ZDHHC2: variants seen among roughly 807,000 people sequenced by gnomAD.
The protein encoded by ZDHHC2 is palmitoyltransferase ZDHHC2.
ZDHHC2 carries 51 observed loss-of-function variants against 55.6 expected under a neutral mutation model. The ratio of observed to expected loss-of-function variants is 0.92; its 90% CI spans 0.73 to 1.16. ZDHHC2 has a LOEUF of 1.16. Ranked by LOEUF, ZDHHC2 falls within the 50% of genes most tolerant of loss-of-function variation. ZDHHC2 has a pLI of 0.00. For missense variants in ZDHHC2, 491 were observed against 442.4 expected (o/e 1.11, Z -0.99); for synonymous variants, 199 against 152.9 (o/e 1.30, Z -2.22).
Position 17,223,182 on chromosome 8 carries a change from G to T in ZDHHC2, c.*2961G>T, listed in dbSNP as rs1807991378. ...AACGGGCTCGGCTGATTCTGAAATT[G>T]TACTGTATCATTTGGTATTTACTTA... is the stretch of plus-strand genomic sequence containing the variant. On this transcript the variant is annotated 3_prime_UTR_variant, in exon 13 of 13. Coordinates refer to ENST00000262096, the MANE Select transcript of ZDHHC2 (RefSeq NM_016353.5). 1 of 151,784 alleles carries T rather than the reference G, an allele frequency of 6.6e-6. No homozygotes were observed. The highest frequency in any genetic ancestry group is 2.4e-5 in the African/African-American group (1 of 41,424). The allele number at this position is 151,784 out of a possible 1,614,324, so 9.4% of individuals were successfully genotyped here.
At chr8:17,193,377 CTAAACAAA>C (rs1806134911) in intron 3 of ZDHHC2, among the ~76,000 whole-genome samples, 4 of 152,354 alleles carry the variant, frequency 2.6e-5, no homozygotes, top group Middle Eastern at 3.4e-3. Context: ...TTATATTCTT[CTAAACAAA>C]CAGAGCCTCT....
chr8:17,180,739 G>T (rs1198520417), intron 1 of ZDHHC2, among the ~76,000 whole-genome samples: 1 of 152,210 alleles, frequency 6.6e-6, no homozygotes, highest in Admixed American at 6.5e-5. Flanking sequence ...CCAGCAAGTG[G>T]CAGAGGCAGG....
intron 6 of ZDHHC2, among the ~76,000 whole-genome samples, chr8:17,199,623 T>TCTTCCTTTCTTCTTCTG (rs1806619628): frequency 9.9e-6 from 1 of 101,148 alleles, no homozygotes; most frequent in Non-Finnish European, 2.7e-5. Flanking sequence ...TTCTTCTTCT[T>TCTTCCTTTCTTCTTCTG]CCTTTCTTCT....
intron 1 of ZDHHC2, among the ~76,000 whole-genome samples, chr8:17,173,465 C>G (rs575554652): frequency 6.6e-6 from 1 of 151,874 alleles, no homozygotes; most frequent in African/African-American, 2.4e-5. Flanking sequence ...CATTTGAGCC[C>G]AGGAGTTCAA....
intron 6 of ZDHHC2, among the ~76,000 whole-genome samples, chr8:17,201,481 CTTTTTTTTTTTTT>C (rs1171396792): frequency 9.5e-4 from 23 of 24,330 alleles, no homozygotes; most frequent in East Asian, 4.8e-3. Flanking sequence ...CTCTCTCTCT[CTTTTTTTTTTTTT>C]TTTTTTTTTT....
intron 3 of ZDHHC2, 44 bp from the exon 4 acceptor site, chr8:17,195,460 A>C (rs781761932): frequency 6.4e-7 from 1 of 1,569,956 alleles, no homozygotes; most frequent in East Asian, 2.3e-5. Context: ...AATATGTTAT[A>C]ATTTCTTTGA....
intron 1 of ZDHHC2, among the ~76,000 whole-genome samples, chr8:17,182,229 A>G (rs1380013826): frequency 6.6e-6 from 1 of 152,216 alleles, no homozygotes; most frequent in African/African-American, 2.4e-5. Flanking sequence ...TTTGCAATAT[A>G]TATATAACAG....
intron 9 of ZDHHC2, 67 bp from the exon 10 acceptor site, chr8:17,210,321 A>G: frequency 6.0e-6 from 9 of 1,496,694 alleles, no homozygotes; most frequent in Non-Finnish European, 8.2e-6. Context: ...GGACATCAGC[A>G]TTTTGGCAGG....
intron 1 of ZDHHC2, among the ~76,000 whole-genome samples, chr8:17,166,213 G>A (rs545014933): frequency 6.6e-6 from 1 of 152,320 alleles, no homozygotes; most frequent in Non-Finnish European, 1.5e-5. Flanking sequence ...AGCGATGATG[G>A]TGTGTGAAAC....
intron 1 of ZDHHC2, among the ~76,000 whole-genome samples, chr8:17,157,129 CT>C (rs1167828255): frequency 6.6e-6 from 1 of 152,230 alleles, no homozygotes; most frequent in East Asian, 1.9e-4. Flanking sequence ...CCGCCGCCGC[CT>C]CGGCCACACC....
intron 6 of ZDHHC2, among the ~76,000 whole-genome samples, chr8:17,203,900 C>T (rs184018680): frequency 3.0e-4 from 45 of 151,144 alleles, no homozygotes; most frequent in African/African-American, 9.0e-4. Flanking sequence ...CTCCACCTCC[C>T]GGATTCAAGC....
In ZDHHC2 at chr8:17,198,484, G is replaced by A. The variant is rs1205209989; in HGVS notation, c.476+71G>A. ...TTAATAAATTAAATCACTTATCCAT[G>A]TAAATCTTTTCACACATGAAATATT... On this transcript the variant is annotated intron_variant, in intron 6 of 12. Coordinates refer to ENST00000262096, the MANE Select transcript of ZDHHC2 (RefSeq NM_016353.5). The A allele has an allele frequency of 4.9e-6, 7 of 1,420,988 alleles. No individual in the cohort carries two copies. In the Admixed American group the frequency reaches 1.1e-4, roughly 23 times the overall value. The allele number at this position is 1,420,988 out of a possible 1,614,324, so 88.0% of individuals were successfully genotyped here. A position where few individuals can be genotyped will look rare whatever the true frequency, so the allele number is the denominator to read the frequency against.
chr8:17,196,281 G>A (rs929868938), intron 4 of ZDHHC2, among the ~76,000 whole-genome samples: 4 of 152,046 alleles, frequency 2.6e-5, no homozygotes, highest in East Asian at 3.9e-4. Context: ...TATGGTAGCC[G>A]CTAGCCCCAT....
intron 6 of ZDHHC2, among the ~76,000 whole-genome samples, chr8:17,202,029 AT>A (rs1326759740): frequency 1.3e-5 from 2 of 152,054 alleles, no homozygotes; most frequent in Non-Finnish European, 2.9e-5. Flanking sequence ...CTATCAAAGT[AT>A]TTTTTTCCTT....
At chr8:17,197,462 T>C (rs1806377303) in intron 4 of ZDHHC2, 120 bp from the exon 5 acceptor site, 1 of 832,526 alleles carries the variant, frequency 1.2e-6, no homozygotes. Flanking sequence ...CTTATTTTTT[T>C]ACCATATTTA....
At chr8:17,205,888 G>C (rs775599043) in intron 7 of ZDHHC2, 113 bp downstream of exon 7, 3 of 1,028,914 alleles carry the variant, frequency 2.9e-6, no homozygotes, top group Non-Finnish European at 4.1e-6. Context: ...TCATTGACAT[G>C]CAGTCAGTCC....
chr8:17,200,898 C>G (rs1276553548), intron 6 of ZDHHC2, among the ~76,000 whole-genome samples: 1 of 152,102 alleles, frequency 6.6e-6, no homozygotes. Context: ...GTTCACTTCC[C>G]CATCACTTCC....
intron 1 of ZDHHC2, among the ~76,000 whole-genome samples, chr8:17,165,571 T>G (rs924467008): frequency 6.6e-6 from 1 of 152,226 alleles, no homozygotes; most frequent in Non-Finnish European, 1.5e-5. Context: ...TGAATGCATT[T>G]TAACCGTCCA....
chr8:17,199,191 G>C (rs1181614944), intron 6 of ZDHHC2, among the ~76,000 whole-genome samples: 1 of 152,130 alleles, frequency 6.6e-6, no homozygotes, highest in East Asian at 1.9e-4. Context: ...GGTTTTCTTA[G>C]CAGCAGGAAA....
Sources: allele counts gnomAD v4.1 joint callset (sites outside exome capture counted in the v4.1 genomes callset), GRCh38; gene constraint gnomAD v4.1.1; transcripts MANE v1.5; gene names NCBI Gene and HGNC (gene_info 2026-07-23, HGNC 2026-07-21).